CHD3: variants seen among roughly 807,000 people sequenced by gnomAD.
CHD3 encodes chromodomain helicase DNA binding protein 3.
In CHD3, 52 loss-of-function variants were observed where a neutral mutation model predicts 248.9. The observed-to-expected ratio is 0.21, with a 90% CI of 0.17 to 0.26. CHD3 has a LOEUF of 0.26. Among genes scored for constraint, CHD3 ranks in the 10% least tolerant of loss-of-function variants. CHD3 has a pLI of 1.00. For missense variants in CHD3, 1,482 were observed against 2,605.8 expected, an observed-to-expected ratio of 0.57 and a Z score of 9.39; for synonymous variants, 985 against 985.2, an observed-to-expected ratio of 1.00 and a Z score of 0.00.
intron 4 of CHD3, among the ~76,000 whole-genome samples, chr17:7,891,406 G>A (rs1395730404): frequency 2.6e-5 from 4 of 152,156 alleles, no homozygotes; most frequent in Non-Finnish European, 5.9e-5. Flanking sequence ...TCTCTAGACT[G>A]GACCTGAGAG....
In CHD3 at chr17:7,897,735, A is replaced by G. The variant is rs990031528; in HGVS notation, c.1920-236A>G. Among the ~76,000 whole-genome samples the G allele has an allele frequency of 1.3e-5, 2 of 152,224 alleles. No homozygotes were observed. Among genetic ancestry groups the G allele is most frequent in the African/African-American group, 4.8e-5 (2 of 41,452 alleles). On this transcript the variant is annotated intron_variant, in intron 11 of 39. Coordinates refer to ENST00000330494, the MANE Select transcript of CHD3 (RefSeq NM_001005273.3). The surrounding 1 kb of genome is among the most constrained non-coding windows in gnomAD (Gnocchi z 4.8). The stretch of plus-strand genomic sequence containing the variant: ...AAAATACTTAGTGATTAGGTGAACA[A>G]ATGATAAGGAGGGATCTCCAGGAAT...
In CHD3 at chr17:7,908,358, C is replaced by A; in HGVS notation, c.5153-44C>A. ...ACCTGTCTGTTGGACTGAGTGCAGT[C>A]TGCAAAACCCTGTTACCTCTTCTGT... On this transcript the variant is annotated intron_variant, in intron 34 of 39. Coordinates refer to ENST00000330494, the MANE Select transcript of CHD3 (RefSeq NM_001005273.3). This position sits in a 1 kb window ranked among gnomAD's most constrained non-coding sequence, Gnocchi z 5.8. 6.6e-7 allele frequency: 1 copy of A among 1,504,086 alleles called. No individual in the cohort carries two copies. The highest frequency in any genetic ancestry group is 1.2e-5 in the South Asian group (1 of 85,876). 93.2% of individuals were successfully genotyped at this position (1,504,086 alleles called of 1,614,324 possible).
Position 7,911,025 on chromosome 17 carries a change from C to A in CHD3, c.5881+52C>A. ...CTACTCACACTCCTCCTTTGCCAAA[C>A]TTTATTTCTGCTCAGCTGCCCTTTA... On this transcript the variant is annotated intron_variant, in intron 39 of 39. Coordinates refer to ENST00000330494, the MANE Select transcript of CHD3 (RefSeq NM_001005273.3). This position sits in a 1 kb window ranked among gnomAD's most constrained non-coding sequence, Gnocchi z 5.4. 6.2e-7 allele frequency: 1 copy of A among 1,606,042 alleles called. No individual in the cohort carries two copies. Among genetic ancestry groups the A allele is most frequent in the Non-Finnish European group, 8.5e-7 (1 of 1,177,518 alleles).
Position 7,889,044 on chromosome 17 carries a change from A to G in CHD3, c.44A>G (p.Asn15Ser), listed in dbSNP as rs753191510. The change falls in exon 1 of 40, where the codon AAT (asparagine) becomes AGT (serine). Residue 15 changes from asparagine to serine, a missense_variant. Transcript: ENST00000330494. This position sits in a 1 kb window ranked among gnomAD's most constrained non-coding sequence, Gnocchi z 4.5. ...GTGATCCTGTGGGCAAGAAGTAAAA[A>G]TGACCAGCTGAGGATTTCTTTTCCT... is the stretch of plus-strand genomic sequence containing the variant. ...DTVILWARSK[N>S]DQLRISFPPG... is the part of the protein sequence containing the mutation. 6.2e-7 allele frequency: 1 copy of G among 1,614,260 alleles called. No homozygotes were observed. Among genetic ancestry groups the G allele is most frequent in the South Asian group, 1.1e-5 (1 of 91,092 alleles).
chr17:7,908,432 G>A lies in CHD3; in HGVS notation c.5183G>A (p.Arg1728Gln), dbSNP rs1358218895. 3.7e-6 allele frequency: 6 copies of A among 1,613,584 alleles called. No individual in the cohort carries two copies. The highest frequency in any genetic ancestry group is 1.7e-5 in the Admixed American group (1 of 59,948). The stretch of plus-strand genomic sequence containing the variant: ...CACACACTGTGGCAGAATGAGGAAC[G>A]GGCAGCTATTTCCTCGGGGAAACTC... ...ELHTLWQNEERAAISSGKLNE... is the reference protein window; with the variant it reads ...ELHTLWQNEEQAAISSGKLNE... Residue 1728 changes from arginine (R) to glutamine (Q), a missense_variant, in exon 35 of 40, where the codon CGG becomes CAG. By Grantham distance (43) the Arg-to-Gln change is conservative. Transcript: ENST00000330494. This position sits in a 1 kb window ranked among gnomAD's most constrained non-coding sequence, Gnocchi z 5.8.
rs760873643 is a variant in CHD3, at chr17:7,906,031, A to G, written c.4358+42A>G. ...CAGGGCTGAGTTGGACGCAAGGGGA[A>G]GAGCTTTGGGTGTTCCTTTCTTCCT... On this transcript the variant is annotated intron_variant, in intron 28 of 39. Transcript: ENST00000330494. This position sits in a 1 kb window ranked among gnomAD's most constrained non-coding sequence, Gnocchi z 5.0. 8 of 1,611,080 alleles carry G rather than the reference A, an allele frequency of 5.0e-6. No individual in the cohort carries two copies. The highest frequency in any genetic ancestry group is 1.3e-5 in the African/African-American group (1 of 74,884).
Position 7,908,143 on chromosome 17 carries a change from C to A in CHD3, c.5152+124C>A. 8.3e-7 allele frequency: 1 copy of A among 1,211,470 alleles called. No homozygotes were observed. Among genetic ancestry groups the A allele is most frequent in the Non-Finnish European group, 1.2e-6 (1 of 862,224 alleles). 75.0% of individuals were successfully genotyped at this position (1,211,470 alleles called of 1,614,324 possible). A position where few individuals can be genotyped will look rare whatever the true frequency, so the allele number is the denominator to read the frequency against. On this transcript the variant is annotated intron_variant, in intron 34 of 39. Coordinates refer to ENST00000330494, the MANE Select transcript of CHD3 (RefSeq NM_001005273.3). This position sits in a 1 kb window ranked among gnomAD's most constrained non-coding sequence, Gnocchi z 5.8. ...AAGTAACTTCCAATGAAGTATGTTG[C>A]ATGCTGACTCCGATCCTTGCTCTAA...
rs1478415971 is a variant in CHD3 at position 7,912,745 on chromosome 17, ACTTTC to A, written c.*1166_*1170del. On this transcript the variant is annotated 3_prime_UTR_variant, in exon 40 of 40. Coordinates refer to ENST00000330494, the MANE Select transcript of CHD3 (RefSeq NM_001005273.3). ...TTTATTGGTTGTACATATAAATTAT[ACTTTC>A]CTTTCTGTGTGCTCTGTTATTTTTT... 9.0e-6 allele frequency: 1 copy of A among 110,692 alleles called. No homozygotes were observed. The highest frequency in any genetic ancestry group is 1.7e-5 in the Non-Finnish European group (1 of 60,448). 6.9% of individuals were successfully genotyped at this position (110,692 alleles called of 1,614,324 possible). A position where few individuals can be genotyped will look rare whatever the true frequency, so the allele number is the denominator to read the frequency against.
Position 7,911,586 on chromosome 17 carries a change from C to T in CHD3, c.*1C>T, listed in dbSNP as rs182239876. ...GGAGGTGATCTGTATAGACGACTGA[C>T]TGGATCCCAGGCCTGCCCTTCACCC... On this transcript the variant is annotated 3_prime_UTR_variant, in exon 40 of 40. Coordinates refer to ENST00000330494, the MANE Select transcript of CHD3 (RefSeq NM_001005273.3). The surrounding 1 kb of genome is among the most constrained non-coding windows in gnomAD (Gnocchi z 5.4). 1 of 1,614,058 alleles carries T rather than the reference C, an allele frequency of 6.2e-7. No homozygotes were observed. Among genetic ancestry groups the T allele is most frequent in the Admixed American group, 1.7e-5 (1 of 60,022 alleles).
At position 7,901,234 on chromosome 17, in the gene CHD3, C is replaced by T. The variant is rs761177207; in HGVS notation, c.3121-10C>T. On this transcript the variant is annotated splice_polypyrimidine_tract_variant and intron_variant, in intron 19 of 39. Coordinates refer to ENST00000330494, the MANE Select transcript of CHD3 (RefSeq NM_001005273.3). ...TGACCCCCTCCTCCTCCTCTCTCCT[C>T]CCTTTTCAGGAGTCCCCCAAACTCC... The T allele has an allele frequency of 2.5e-6, 4 of 1,590,074 alleles. No homozygotes were observed. The highest frequency in any genetic ancestry group is 2.2e-5 in the East Asian group (1 of 44,470).
At chr17:7,901,151 C>A in intron 19 of CHD3, 93 bp from the exon 20 acceptor site, 1 of 1,522,398 alleles carries the variant, frequency 6.6e-7, no homozygotes, top group Non-Finnish European at 8.8e-7. Context: ...CATGTGGAAG[C>A]TGGATCCGGG....
At chr17:7,891,182 C>T (rs1968800646) in intron 4 of CHD3, 118 bp downstream of exon 4, 2 of 1,198,606 alleles carry the variant, frequency 1.7e-6, no homozygotes, top group Admixed American at 2.1e-5. Flanking sequence ...ACGGTGTATA[C>T]ACACCAAATT....
chr17:7,898,177 A>C, intron 12 of CHD3, 75 bp downstream of exon 12: 1 of 1,549,334 alleles, frequency 6.5e-7, no homozygotes, highest in Non-Finnish European at 8.8e-7. Context: ...GCATAAAATG[A>C]GGGTACAGTA....
intron 5 of CHD3, 92 bp downstream of exon 5, chr17:7,893,661 T>G (rs1232955227): frequency 2.6e-6 from 4 of 1,527,918 alleles, no homozygotes; most frequent in Non-Finnish European, 3.5e-6. Context: ...CCAGCCCTGA[T>G]TGCTGGAGGA....
chr17:7,900,969 A>G lies in CHD3; in HGVS notation c.3096A>G (p.Pro1032=), dbSNP rs774485029. ...MMDLKKCCNH[P]YLFPVAAMES... Reference sequence around the variant, plus strand: ...ATCTTAAGAAGTGCTGCAACCATCCATACCTTTTTCCCGTGGCTGCTATGG... The same window carrying G: ...ATCTTAAGAAGTGCTGCAACCATCCGTACCTTTTTCCCGTGGCTGCTATGG... The change falls in exon 19 of 40, where the codon CCA becomes CCG. Residue 1032 remains proline, a synonymous_variant. Coordinates refer to ENST00000330494, the MANE Select transcript of CHD3 (RefSeq NM_001005273.3). The surrounding 1 kb of genome is among the most constrained non-coding windows in gnomAD (Gnocchi z 6.5). The G allele has an allele frequency of 6.2e-7, 1 of 1,614,138 alleles. No individual in the cohort carries two copies. Among genetic ancestry groups the G allele is most frequent in the Admixed American group, 1.7e-5 (1 of 60,008 alleles).
chr17:7,894,632 G>A, intron 8 of CHD3, 24 bp downstream of exon 8: 1 of 1,596,922 alleles, frequency 6.3e-7, no homozygotes, highest in East Asian at 2.2e-5. Flanking sequence ...GCCAGCATCT[G>A]ATGGCCCTGA....
chr17:7,896,684 G>C (rs1382555981), intron 10 of CHD3, among the ~76,000 whole-genome samples: 1 of 151,208 alleles, frequency 6.6e-6, no homozygotes. Context: ...GGACGCGCCT[G>C]TTATTCTCTT....
rs1970572042 is a variant in CHD3 at position 7,903,711 on chromosome 17, C to CG, written c.3728-110dup. On this transcript the variant is annotated intron_variant, in intron 23 of 39. Transcript: ENST00000330494. The surrounding 1 kb of genome is among the most constrained non-coding windows in gnomAD (Gnocchi z 6.8). ...ACAAAAACCTTTCAACATTGGCTCC[C>CG]GGGGAAAAAGCCTTCTCTAGGGCTC... The CG allele has an allele frequency of 6.5e-6, 8 of 1,236,444 alleles. No homozygotes were observed. Among genetic ancestry groups the CG allele is most frequent in the Non-Finnish European group, 9.0e-6 (8 of 893,336 alleles). The allele number at this position is 1,236,444 out of a possible 1,614,324, so 76.6% of individuals were successfully genotyped here.
Position 7,899,923 on chromosome 17 carries a change from C to A in CHD3, c.2572C>A (p.Leu858Ile). Residue 858 changes from leucine (L) to isoleucine (I), a missense_variant, in exon 16 of 40, where the codon CTC becomes ATC. Physicochemically the swap from Leu to Ile is conservative, Grantham distance 5 (BLOSUM62 2). Coordinates refer to ENST00000330494, the MANE Select transcript of CHD3 (RefSeq NM_001005273.3). This position sits in a 1 kb window ranked among gnomAD's most constrained non-coding sequence, Gnocchi z 6.8. Reference protein sequence around the residue: ...KREAQVKFHVLLTSYELITID... With the variant: ...KREAQVKFHVILTSYELITID... The stretch of plus-strand genomic sequence containing the variant: ...GGAGGCACAGGTGAAGTTCCATGTT[C>A]TCCTGACATCGTATGAGCTGATCAC... 6.2e-7 allele frequency: 1 copy of A among 1,613,576 alleles called. No individual in the cohort carries two copies. Among genetic ancestry groups the A allele is most frequent in the Non-Finnish European group, 8.5e-7 (1 of 1,179,860 alleles).
Sources: gnomAD v4.1 joint callset for allele counts (sites outside exome capture counted in the v4.1 genomes callset) on GRCh38, gnomAD v4.1.1 for gene constraint, Gnocchi (gnomAD v3.1) non-coding constraint, MANE v1.5 for transcripts, NCBI Gene and HGNC (gene_info 2026-07-23, HGNC 2026-07-21) for gene names.